The following PDE1C variants were observed in gnomAD, a reference collection of about 807,000 sequenced individuals.
The protein encoded by PDE1C is dual specificity calcium/calmodulin-dependent 3',5'-cyclic nucleotide phosphodiesterase 1C.
PDE1C carries 62 observed loss-of-function variants against 93.1 expected under a neutral mutation model. The ratio of observed to expected loss-of-function variants is 0.67; its 90% CI spans 0.54 to 0.82. PDE1C has a LOEUF of 0.82. Among genes scored for constraint, PDE1C ranks in the 40% least tolerant of loss-of-function variants. The probability of loss-of-function intolerance (pLI) is 0.00; values close to 1 mark genes in which losing one functional copy is unlikely to be tolerated. For synonymous variants in PDE1C, 325 were observed against 310.1 expected (o/e 1.05, Z -0.50); for missense variants, 742 against 884.6 (o/e 0.84, Z 2.04).
chr7:31,916,388 A>G (rs1032264891), intron 2 of PDE1C, among the ~76,000 whole-genome samples: 8 of 152,330 alleles, frequency 5.3e-5, no homozygotes, highest in African/African-American at 1.9e-4. Flanking sequence ...CATGATAACT[A>G]TGATATAGCT....
intron 17 of PDE1C, among the ~76,000 whole-genome samples, chr7:31,756,510 T>A (rs185616417): frequency 2.0e-5 from 3 of 152,176 alleles, no homozygotes; most frequent in Admixed American, 2.0e-4. Flanking sequence ...TAATGGGTTA[T>A]CCCGGATGGG....
intron 1 of PDE1C, among the ~76,000 whole-genome samples, chr7:32,328,288 A>G (rs748891047): frequency 5.3e-5 from 8 of 152,206 alleles, no homozygotes; most frequent in Non-Finnish European, 1.0e-4. Flanking sequence ...ATAGCCTTTC[A>G]GTCTCCCTGC....
chr7:32,056,509 C>T (rs780210204), intron 1 of PDE1C, among the ~76,000 whole-genome samples: 6 of 152,006 alleles, frequency 3.9e-5, no homozygotes, highest in African/African-American at 9.7e-5. Flanking sequence ...TTATTGTGTC[C>T]GACAGGCTGC....
intron 1 of PDE1C, among the ~76,000 whole-genome samples, chr7:32,308,872 A>G (rs1813092179): frequency 6.6e-6 from 1 of 151,900 alleles, no homozygotes; most frequent in African/African-American, 2.4e-5. Context: ...ACAGTTCCTC[A>G]CCAGCAACTG....
At chr7:32,026,255 T>A (rs572749255) in intron 2 of PDE1C, among the ~76,000 whole-genome samples, 79 of 152,248 alleles carry the variant, frequency 5.2e-4, no homozygotes, top group African/African-American at 1.8e-3. Context: ...CCCCACAGCC[T>A]ACACAATAGG....
chr7:32,383,804 C>G lies in PDE1C; in HGVS notation c.310+44018G>C, dbSNP rs1406976803. Reference sequence around the variant, plus strand: ...CTGGAAAGGGTCCAAGCTTTGGAGTCAGCCACTCCTGGGTTGACCCCTTTG... The same window carrying G: ...CTGGAAAGGGTCCAAGCTTTGGAGTGAGCCACTCCTGGGTTGACCCCTTTG... On this transcript the variant is annotated intron_variant, in intron 1 of 1. Coordinates refer to the PDE1C transcript ENST00000672256. Among the ~76,000 whole-genome samples the G allele has an allele frequency of 2.6e-5, 4 of 152,198 alleles. No homozygotes were observed. The East Asian group carries it at 7.7e-4, about 29-fold the overall frequency.
intron 2 of PDE1C, among the ~76,000 whole-genome samples, chr7:31,882,101 A>C (rs1332933760): frequency 6.6e-6 from 1 of 152,210 alleles, no homozygotes; most frequent in Non-Finnish European, 1.5e-5. Context: ...TCTTGGATCA[A>C]CCTTAAAAAG....
chr7:32,059,344 C>T (rs1794517733), intron 1 of PDE1C, among the ~76,000 whole-genome samples: 1 of 152,166 alleles, frequency 6.6e-6, no homozygotes, highest in Non-Finnish European at 1.5e-5. Flanking sequence ...CTATCTAGTG[C>T]TGGCCAGGCA....
At chr7:32,396,437 C>T (rs111406195) in intron 1 of PDE1C, among the ~76,000 whole-genome samples, 6,274 of 151,486 alleles carry the variant, frequency 0.041, 311 homozygotes, top group African/African-American at 0.13. Flanking sequence ...GAGATCATGC[C>T]ACTGCACTCC....
the PDE1C span, among the ~76,000 whole-genome samples, chr7:31,660,867 ATT>A: frequency 6.6e-6 from 1 of 151,564 alleles, no homozygotes; most frequent in East Asian, 1.9e-4. Flanking sequence ...TGCAATATAT[ATT>A]ATATATAATA....
the PDE1C span, among the ~76,000 whole-genome samples, chr7:31,659,751 T>G: frequency 6.6e-6 from 1 of 152,226 alleles, no homozygotes; most frequent in African/African-American, 2.4e-5. Flanking sequence ...CAGGAAAATT[T>G]TGTGTGGCCT....
intron 16 of PDE1C, among the ~76,000 whole-genome samples, chr7:31,782,999 T>A (rs1195988481): frequency 1.3e-5 from 2 of 152,218 alleles, no homozygotes; most frequent in Non-Finnish European, 2.9e-5. Flanking sequence ...TTACAGTTTT[T>A]TCAACCTACA....
At chr7:32,055,121 G>A (rs867903804) in intron 1 of PDE1C, among the ~76,000 whole-genome samples, 1 of 152,148 alleles carries the variant, frequency 6.6e-6, no homozygotes, top group Non-Finnish European at 1.5e-5. Context: ...TCCTTGTCAT[G>A]GCAACTGCTC....
intron 5 of PDE1C, among the ~76,000 whole-genome samples, chr7:31,874,044 T>C (rs1269998337): frequency 6.6e-6 from 1 of 152,240 alleles, no homozygotes; most frequent in East Asian, 1.9e-4. Flanking sequence ...TCGAAACTGC[T>C]GAGCTGAAAC....
intron 1 of PDE1C, among the ~76,000 whole-genome samples, chr7:32,365,569 G>A (rs1411212630): frequency 6.6e-6 from 1 of 152,074 alleles, no homozygotes; most frequent in Non-Finnish European, 1.5e-5. Context: ...CCCTAGCAAA[G>A]ACAGCCCCAG....
intron 3 of PDE1C, among the ~76,000 whole-genome samples, chr7:32,154,145 G>A (rs1024546550): frequency 6.6e-6 from 1 of 152,034 alleles, no homozygotes; most frequent in Admixed American, 6.5e-5. Flanking sequence ...TGTGGTCCCA[G>A]CTAACTGGGA....
intron 1 of PDE1C, among the ~76,000 whole-genome samples, chr7:32,395,793 A>C (rs1784830815): frequency 6.6e-6 from 1 of 152,248 alleles, no homozygotes; most frequent in South Asian, 2.1e-4. Flanking sequence ...AAAATTTGTT[A>C]GAGATATAAT....
intron 17 of PDE1C, among the ~76,000 whole-genome samples, chr7:31,765,551 A>G (rs1190383822): frequency 1.3e-5 from 2 of 152,218 alleles, no homozygotes; most frequent in African/African-American, 2.4e-5. Context: ...CTTTGTTCAC[A>G]CTAACAGTGG....
intron 1 of PDE1C, among the ~76,000 whole-genome samples, chr7:32,289,886 G>A (rs1812227667): frequency 6.6e-6 from 1 of 152,246 alleles, no homozygotes; most frequent in African/African-American, 2.4e-5. Context: ...ATTTGGGGAA[G>A]CAGAGAGAAA....
Sources: allele counts gnomAD v4.1 joint callset (sites outside exome capture counted in the v4.1 genomes callset), GRCh38; gene constraint gnomAD v4.1.1; transcripts MANE v1.5; gene names NCBI Gene and HGNC (gene_info 2026-07-23, HGNC 2026-07-21).